Variants in MTERF4 observed in about 807,000 individuals in gnomAD.
MTERF4 encodes the protein mitochondrial transcription termination factor 4.
In MTERF4, 17 loss-of-function variants were observed where a neutral mutation model predicts 22.5. The ratio of observed to expected loss-of-function variants is 0.75; its 90% CI spans 0.52 to 1.13. The LOEUF is 1.13. Among genes scored for constraint, MTERF4 ranks in the 50% most tolerant of loss-of-function variants. MTERF4 has a pLI of 0.00. For synonymous variants in MTERF4, 165 were observed against 175.3 expected (o/e 0.94, Z 0.47); for missense variants, 420 against 466.8 (o/e 0.90, Z 0.92).
the MTERF4 span, among the ~76,000 whole-genome samples, chr2:241,060,237 C>T: frequency 6.6e-6 from 1 of 150,706 alleles, no homozygotes; most frequent in South Asian, 2.1e-4. Flanking sequence ...GGCTGGAGTG[C>T]AGTGGCACAA....
downstream of MTERF4, chr2:241,072,145 G>A (rs1340965394): frequency 2.9e-6 from 2 of 686,542 alleles, no homozygotes; most frequent in Non-Finnish European, 5.3e-6. Context: ...CGCAAGAGAA[G>A]ATAAACATTT....
the MTERF4 span, among the ~76,000 whole-genome samples, chr2:241,058,001 C>T: frequency 7.9e-5 from 12 of 152,090 alleles, no homozygotes; most frequent in African/African-American, 2.9e-4. Context: ...TATGAATGGA[C>T]TAACTCTCCA....
intron 4 of MTERF4, chr2:241,081,596 A>G (rs73010045): frequency 1.6e-4 from 160 of 1,024,214 alleles, no homozygotes; most frequent in Middle Eastern, 2.0e-4. Flanking sequence ...TCAGGTCATC[A>G]AGGAAGGGAC....
chr2:241,068,815 C>A (rs2062579173), downstream of MTERF4: 2 of 814,864 alleles, frequency 2.5e-6, no homozygotes, highest in African/African-American at 1.7e-5. This position sits in a 1 kb window ranked among gnomAD's most constrained non-coding sequence, Gnocchi z 5.3. Flanking sequence ...GACCTCCCCG[C>A]AGTCACCTCC....
downstream of MTERF4, chr2:241,089,983 G>A (rs938236587): frequency 1.3e-6 from 2 of 1,548,570 alleles, no homozygotes; most frequent in East Asian, 4.9e-5. Context: ...GGTATACCTG[G>A]GCAGGGCGCT....
the MTERF4 span, chr2:241,063,984 T>C: frequency 1.8e-5 from 26 of 1,484,488 alleles, no homozygotes; most frequent in East Asian, 5.9e-4. Flanking sequence ...CCCTTGCAGC[T>C]TGGGCCCACT....
chr2:241,085,864 T>TA (rs1553596749), downstream of MTERF4, among the ~76,000 whole-genome samples: 1 of 138,574 alleles, frequency 7.2e-6, no homozygotes, highest in African/African-American at 2.8e-5. Context: ...CGGTTTCTTT[T>TA]TTTTTTTTTT....
rs2064459512 is a variant in MTERF4 at position 241,096,904 on chromosome 2, A to G, written c.705+339T>C. 1 of 586,492 alleles carries G rather than the reference A, an allele frequency of 1.7e-6. No individual in the cohort carries two copies. Among genetic ancestry groups the G allele is most frequent in the Admixed American group, 3.3e-5 (1 of 30,536 alleles). 36.3% of individuals were successfully genotyped at this position (586,492 alleles called of 1,614,324 possible). ...GGTTTCAGCTATTTTAAAATTAGCT[A>G]TTTCAGAGTCCCCACTTAGACTCTA... On this transcript the variant is annotated intron_variant, in intron 3 of 3. Transcript: ENST00000391980. The surrounding 1 kb of genome is among the most constrained non-coding windows in gnomAD (Gnocchi z 5.1).
rs770916374 is a variant in MTERF4 at position 241,102,258 on chromosome 2, G to A, written c.16C>T (p.Arg6Cys). 5.8e-6 allele frequency: 9 copies of A among 1,549,180 alleles called. No individual in the cohort carries two copies. Among genetic ancestry groups the A allele is most frequent in the East Asian group, 2.4e-5 (1 of 40,844 alleles). Residue 6 changes from arginine (R) to cysteine (C), a missense_variant, in exon 1 of 4, where the codon CGT becomes TGT. Arg to Cys is a radical substitution (Grantham distance 180). Transcript: ENST00000391980. ...CGCGCCCAGCTCGAGCTTACCTGACGGCCGAACGCAGCCATAGCGCGGAGA... is the reference window on the plus strand; with the variant it reads ...CGCGCCCAGCTCGAGCTTACCTGACAGCCGAACGCAGCCATAGCGCGGAGA... Reference protein sequence around the residue: MAAFGRQVLDWHRLIP... With the variant: MAAFGCQVLDWHRLIP...
At chr2:241,068,810 C>T (rs938283704), downstream of MTERF4, 2 of 780,278 alleles carry the variant, frequency 2.6e-6, no homozygotes, top group African/African-American at 1.7e-5. The surrounding 1 kb of genome is among the most constrained non-coding windows in gnomAD (Gnocchi z 5.3). Context: ...AGGATGACCT[C>T]CCCGCAGTCA....
At chr2:241,048,302 G>A in the MTERF4 span, 9 of 1,587,642 alleles carry the variant, frequency 5.7e-6, no homozygotes, top group African/African-American at 4.1e-5. Context: ...GGTGACTGCC[G>A]TCTTTCTTGC....
chr2:241,082,451 C>T, downstream of MTERF4: 1 of 973,330 alleles, frequency 1.0e-6, no homozygotes, highest in Non-Finnish European at 1.6e-6. Context: ...CCCAGCTAAC[C>T]CTGAGGAGGG....
At chr2:241,048,279 C>A in the MTERF4 span, 1 of 1,562,670 alleles carries the variant, frequency 6.4e-7, no homozygotes, top group East Asian at 2.3e-5. Flanking sequence ...CCCACATTCC[C>A]TGCGTGGCCG....
chr2:241,063,534 T>C, the MTERF4 span: 2 of 1,207,158 alleles, frequency 1.7e-6, no homozygotes, highest in African/African-American at 3.0e-5. Context: ...TGGGGGCATG[T>C]GGGCGCCTCA....
rs753687324 is a variant in MTERF4, at chr2:241,096,202, T to C, written c.942A>G (p.Gln314=). Residue 314 remains glutamine, a synonymous_variant, in exon 4 of 4, where the codon CAA becomes CAG. Coordinates refer to ENST00000391980, the MANE Select transcript of MTERF4 (RefSeq NM_182501.4). The surrounding 1 kb of genome is among the most constrained non-coding windows in gnomAD (Gnocchi z 5.1). ...RTACTSVEEF[Q]VFKKLLAREE... Reference sequence around the variant, plus strand: ...CCCGAGCCAGGAGCTTCTTAAAAACTTGAAACTCCTCAACAGAAGTACAGG... The same window carrying C: ...CCCGAGCCAGGAGCTTCTTAAAAACCTGAAACTCCTCAACAGAAGTACAGG... 1 of 1,614,116 alleles carries C rather than the reference T, an allele frequency of 6.2e-7. No homozygotes were observed. Among genetic ancestry groups the C allele is most frequent in the South Asian group, 1.1e-5 (1 of 91,078 alleles).
In MTERF4 at chr2:241,095,801, T is replaced by G; in HGVS notation, c.*197A>C. On this transcript the variant is annotated 3_prime_UTR_variant, in exon 4 of 4. Transcript: ENST00000391980. ...CTCCCCACAGACACGTGACAACAGATCAAACATGCATTTCCTGTTTCCTGT... is the reference window on the plus strand; with the variant it reads ...CTCCCCACAGACACGTGACAACAGAGCAAACATGCATTTCCTGTTTCCTGT... 1.0e-6 allele frequency: 1 copy of G among 959,874 alleles called. No homozygotes were observed. The highest frequency in any genetic ancestry group is 1.5e-6 in the Non-Finnish European group (1 of 649,134). The allele number at this position is 959,874 out of a possible 1,614,324, so 59.5% of individuals were successfully genotyped here.
chr2:241,076,544 A>T (rs1036262008), intron 4 of MTERF4, among the ~76,000 whole-genome samples: 3 of 152,256 alleles, frequency 2.0e-5, no homozygotes, highest in Admixed American at 1.3e-4. Context: ...TATATATATA[A>T]AATCATATCC....
chr2:241,064,152 C>G, the MTERF4 span: 1 of 1,430,604 alleles, frequency 7.0e-7, no homozygotes, highest in Admixed American at 2.0e-5. This position sits in a 1 kb window ranked among gnomAD's most constrained non-coding sequence, Gnocchi z 7.0. Flanking sequence ...GCCTGCTCCC[C>G]GCCCTCTGCC....
At chr2:241,071,587 G>T, downstream of MTERF4, 2 of 1,587,184 alleles carry the variant, frequency 1.3e-6, no homozygotes, top group South Asian at 2.3e-5. Flanking sequence ...CCCCAGGGAT[G>T]GCGCTGACAG....
Sources: allele counts gnomAD v4.1 joint callset (sites outside exome capture counted in the v4.1 genomes callset), GRCh38; gene constraint gnomAD v4.1.1; non-coding constraint Gnocchi (gnomAD v3.1); transcripts MANE v1.5; gene names NCBI Gene and HGNC (gene_info 2026-07-23, HGNC 2026-07-21).